The following CYFIP1 variants were observed in gnomAD, a reference collection of about 807,000 sequenced individuals.
CYFIP1 encodes cytoplasmic FMR1 interacting protein 1.
Under a neutral mutation model 163.5 loss-of-function variants are expected in CYFIP1, and 58 were observed. That is an observed-to-expected ratio of 0.35 (90% confidence interval 0.29 to 0.44). The LOEUF is 0.44. Among genes scored for constraint, CYFIP1 ranks in the 20% least tolerant of loss-of-function variants. The pLI is 1.00. For missense variants in CYFIP1, 1,338 were observed against 1,653.8 expected, an observed-to-expected ratio of 0.81 and a Z score of 3.31; for synonymous variants, 663 against 660.7, an observed-to-expected ratio of 1.00 and a Z score of -0.05.
intron 6 of CYFIP1, among the ~76,000 whole-genome samples, chr15:22,941,151 G>A (rs117339459): frequency 0.19 from 29,406 of 152,042 alleles, 3,122 homozygotes; most frequent in African/African-American, 0.24. Context: ...TACCTCCTGG[G>A]CTCAAGTGAT....
chr15:22,976,260 C>T (rs1001690857), intron 1 of CYFIP1, among the ~76,000 whole-genome samples: 3 of 152,030 alleles, frequency 2.0e-5, no homozygotes, highest in African/African-American at 7.3e-5. Flanking sequence ...CGGGTTCAGG[C>T]GATTCTCCTG....
Position 22,917,451 on chromosome 15 carries a change from A to G in CYFIP1, c.1674+337T>C, listed in dbSNP as rs865776119. 2 of 536,986 alleles carry G rather than the reference A, an allele frequency of 3.7e-6. No homozygotes were observed. The highest frequency in any genetic ancestry group is 3.0e-6 in the Non-Finnish European group (1 of 337,544). 33.3% of individuals were successfully genotyped at this position (536,986 alleles called of 1,614,324 possible). A position where few individuals can be genotyped will look rare whatever the true frequency, so the allele number is the denominator to read the frequency against. On this transcript the variant is annotated intron_variant, in intron 15 of 30. Transcript: ENST00000617928. The surrounding 1 kb of genome is among the most constrained non-coding windows in gnomAD (Gnocchi z 4.2). ...CCATCTACAGTCATTTGCAGACCCA[A>G]CGTAAAAATTATACAGACATTCAAA... is the stretch of plus-strand genomic sequence containing the variant.
Position 22,869,219 on chromosome 15 carries a change from G to C in CYFIP1, c.*809C>G, listed in dbSNP as rs1167241476. 2.0e-5 allele frequency: 3 copies of C among 152,262 alleles called. No individual in the cohort carries two copies. The highest frequency in any genetic ancestry group is 4.4e-5 in the Non-Finnish European group (3 of 68,118). The allele number at this position is 152,262 out of a possible 1,614,324, so 9.4% of individuals were successfully genotyped here. Reference sequence around the variant, plus strand: ...TGGGCACAGGTAACAGAGAGGCACTGAGTAGCCTCTTCATATCCAGATTGG... The same window carrying C: ...TGGGCACAGGTAACAGAGAGGCACTCAGTAGCCTCTTCATATCCAGATTGG... On this transcript the variant is annotated 3_prime_UTR_variant, in exon 31 of 31. Coordinates refer to ENST00000617928, the MANE Select transcript of CYFIP1 (RefSeq NM_014608.6).
intron 26 of CYFIP1, among the ~76,000 whole-genome samples, chr15:22,879,063 G>T (rs527667108): frequency 6.6e-6 from 1 of 151,936 alleles, no homozygotes; most frequent in Non-Finnish European, 1.5e-5. Flanking sequence ...GTGAACCCGG[G>T]AGGCGGAGCT....
rs369837466 is a variant in CYFIP1, at chr15:22,870,103, G to A, written c.3687C>T (p.Gly1229=). 2.6e-5 allele frequency: 42 copies of A among 1,612,884 alleles called. No individual in the cohort carries two copies. The highest frequency in any genetic ancestry group is 3.4e-5 in the Non-Finnish European group (40 of 1,179,600). ...GCTCCACTGGCGTGCCCTCCCCGTC[G>A]CCTGACTTCAGGTACTTATCCAGGA... ...ITILDKYLKS[G]DGEGTPVEHV... The change falls in exon 31 of 31, where the codon GGC becomes GGT. Residue 1229 remains glycine, a synonymous_variant. Coordinates refer to ENST00000617928, the MANE Select transcript of CYFIP1 (RefSeq NM_014608.6).
intron 23 of CYFIP1, among the ~76,000 whole-genome samples, chr15:22,885,641 G>A (rs2059908266): frequency 6.6e-6 from 1 of 152,178 alleles, no homozygotes; most frequent in African/African-American, 2.4e-5. Context: ...GCTGAGGCAG[G>A]AGAATTATTT....
In CYFIP1 at chr15:22,873,071, T is replaced by C. The variant is rs1595483558; in HGVS notation, c.3450-99A>G. The C allele has an allele frequency of 6.0e-6, 8 of 1,339,348 alleles. No homozygotes were observed. The East Asian group carries it at 1.6e-4, about 27-fold the overall frequency. 83.0% of individuals were successfully genotyped at this position (1,339,348 alleles called of 1,614,324 possible). ...ATGTCAGTGACCAAGCCATCTGCAT[T>C]ACTGTCTGTGCCTACACAGTCACCT... On this transcript the variant is annotated intron_variant, in intron 29 of 30. Coordinates refer to ENST00000617928, the MANE Select transcript of CYFIP1 (RefSeq NM_014608.6).
At chr15:22,916,988 G>A (rs963542667) in intron 15 of CYFIP1, 31 of 1,551,330 alleles carry the variant, frequency 2.0e-5, no homozygotes, top group African/African-American at 8.2e-5. Flanking sequence ...TGAGCAGCTC[G>A]GCAGAGCCCA....
rs547139832 is a variant in CYFIP1 at position 22,896,359 on chromosome 15, T to G, written c.2589-3382A>C. On this transcript the variant is annotated intron_variant, in intron 22 of 30. Transcript: ENST00000617928. The stretch of plus-strand genomic sequence containing the variant: ...TGAGGTTTATTGAGCTTCTTGTATC[T>G]GTGGGTTTATCGTTTTCATCAAATC... Among the ~76,000 whole-genome samples, 10 of 152,224 alleles carry G rather than the reference T, an allele frequency of 6.6e-5. No homozygotes were observed. In the East Asian group the frequency reaches 1.5e-3, roughly 24 times the overall value.
In CYFIP1 at chr15:22,897,162, G is replaced by A. The variant is rs150954226; in HGVS notation, c.2589-4185C>T. On this transcript the variant is annotated intron_variant, in intron 22 of 30. Transcript: ENST00000617928. ...CAGGAGGCAGAAGTTGCAGTGAGCC[G>A]AGATCACACTGTTACACTCTAGCCT... Among the ~76,000 whole-genome samples, 459 of 151,250 alleles carry A rather than the reference G, an allele frequency of 3.0e-3. 6 individuals carry two copies. Among genetic ancestry groups the A allele is most frequent in the African/African-American group, 0.01 (430 of 41,138 alleles).
chr15:22,921,369 A>AAAATT (rs1170616675), intron 13 of CYFIP1, among the ~76,000 whole-genome samples: 1 of 148,946 alleles, frequency 6.7e-6, no homozygotes, highest in African/African-American at 2.5e-5. Flanking sequence ...CTCTGTCTCA[A>AAAATT]AAATAAATAA....
chr15:22,966,846 G>A (rs1024696148), intron 1 of CYFIP1, among the ~76,000 whole-genome samples: 6 of 151,940 alleles, frequency 3.9e-5, no homozygotes, highest in Middle Eastern at 3.2e-3. Context: ...CCTACATCTC[G>A]ACAGCATCTG....
chr15:22,917,256 T>A lies in CYFIP1; in HGVS notation c.1674+532A>T, dbSNP rs1216554007. ...AGAGATTAAAAGCCTCCGGCAGAGA[T>A]GAGGGAGAAGACCAGCCCCAGGACG... On this transcript the variant is annotated intron_variant, in intron 15 of 30. Transcript: ENST00000617928. This position sits in a 1 kb window ranked among gnomAD's most constrained non-coding sequence, Gnocchi z 4.2. 4 of 1,390,928 alleles carry A rather than the reference T, an allele frequency of 2.9e-6. No homozygotes were observed. The highest frequency in any genetic ancestry group is 6.6e-5 in the Admixed American group (2 of 30,430). 86.2% of individuals were successfully genotyped at this position (1,390,928 alleles called of 1,614,324 possible).
chr15:22,979,806 C>T (rs1234501329), intron 1 of CYFIP1, among the ~76,000 whole-genome samples: 1 of 152,216 alleles, frequency 6.6e-6, no homozygotes, highest in East Asian at 1.9e-4. Flanking sequence ...CCGCTCCTCA[C>T]AGGGGCACGA....
At position 22,905,615 on chromosome 15, in the gene CYFIP1, T is replaced by A. The variant is rs752520131; in HGVS notation, c.2389-1710A>T. Reference sequence around the variant, plus strand: ...CACCATGCCTGGTTAATTTATTGTATTTTTTAGTAGAGACGGGGTTTACCA... The same window carrying A: ...CACCATGCCTGGTTAATTTATTGTAATTTTTAGTAGAGACGGGGTTTACCA... On this transcript the variant is annotated intron_variant, in intron 21 of 30. Coordinates refer to ENST00000617928, the MANE Select transcript of CYFIP1 (RefSeq NM_014608.6). Among the ~76,000 whole-genome samples the A allele has an allele frequency of 2.6e-4, 40 of 151,784 alleles. 1 individual carries two copies. Among genetic ancestry groups the A allele is most frequent in the Non-Finnish European group, 5.2e-4 (35 of 67,934 alleles).
At chr15:22,957,146 G>A (rs1204545874) in intron 1 of CYFIP1, among the ~76,000 whole-genome samples, 1 of 152,252 alleles carries the variant, frequency 6.6e-6, no homozygotes, top group African/African-American at 2.4e-5. Context: ...ACTGAGACAG[G>A]TGGAGAGATG....
At chr15:22,908,838 A>G (rs1204758566) in intron 21 of CYFIP1, among the ~76,000 whole-genome samples, 5 of 152,056 alleles carry the variant, frequency 3.3e-5, no homozygotes, top group Non-Finnish European at 5.9e-5. Flanking sequence ...AAAGTTAAAC[A>G]TTTTTATCTC....
chr15:22,980,786 AG>A (rs1222477216), upstream of CYFIP1, among the ~76,000 whole-genome samples: 1 of 151,786 alleles, frequency 6.6e-6, no homozygotes, highest in East Asian at 2.0e-4. Context: ...ACTTGGCAGG[AG>A]GCGCTCACCT....
rs199679344 is a variant in CYFIP1 at position 22,966,885 on chromosome 15, C to T, written c.-7+13402G>A. On this transcript the variant is annotated intron_variant, in intron 1 of 30. Coordinates refer to ENST00000617928, the MANE Select transcript of CYFIP1 (RefSeq NM_014608.6). ...AAGACTCGCTAGCATCTGGTGCACACACTGTATGAGACAGCAACAGCCAGA... is the reference window on the plus strand; with the variant it reads ...AAGACTCGCTAGCATCTGGTGCACATACTGTATGAGACAGCAACAGCCAGA... 3.0e-4 allele frequency among the ~76,000 whole-genome samples: 45 copies of T among 152,224 alleles called. No individual in the cohort carries two copies. In the East Asian group the frequency reaches 8.1e-3, roughly 27 times the overall value.
Sources: allele counts gnomAD v4.1 joint callset (sites outside exome capture counted in the v4.1 genomes callset), GRCh38; gene constraint gnomAD v4.1.1; non-coding constraint Gnocchi (gnomAD v3.1); transcripts MANE v1.5; gene names NCBI Gene and HGNC (gene_info 2026-07-23, HGNC 2026-07-21).